The following EDA variants were observed in gnomAD, a reference collection of about 807,000 sequenced individuals.
EDA encodes ectodysplasin-A.
A neutral mutation model predicts 23.6 loss-of-function variants in EDA; 2 were observed. The ratio of observed to expected loss-of-function variants is 0.08; its 90% confidence interval spans 0.03 to 0.27. The LOEUF is 0.27. EDA is among the 10% of genes least tolerant of loss of function. The probability of loss-of-function intolerance (pLI) is 1.00; values close to 1 mark genes in which losing one functional copy is unlikely to be tolerated. For synonymous variants in EDA, 131 were observed against 132.0 expected (o/e 0.99, Z 0.05); for missense variants, 229 against 324.2 (o/e 0.71, Z 2.26).
At chrX:69,800,294 T>C (rs1301643347) in intron 1 of EDA, among the ~76,000 whole-genome samples, 2 of 111,053 alleles carry the variant, frequency 1.8e-5, no homozygotes, top group Non-Finnish European at 3.8e-5. Context: ...CATACTTAGT[T>C]AGGAGAAATA....
intron 1 of EDA, among the ~76,000 whole-genome samples, chrX:69,849,104 C>T (rs1470376528): frequency 4.3e-5 from 4 of 92,277 alleles, no homozygotes; most frequent in South Asian, 4.4e-4. Context: ...CACACACACA[C>T]ACACACACAC....
chrX:69,932,548 G>A (rs988996173), intron 1 of EDA, among the ~76,000 whole-genome samples: 2 of 111,652 alleles, frequency 1.8e-5, no homozygotes, highest in Non-Finnish European at 3.8e-5. Flanking sequence ...TCAGATAAAG[G>A]TTCTGAGAGA....
intron 1 of EDA, among the ~76,000 whole-genome samples, chrX:69,836,937 C>A (rs1032226208): frequency 1.8e-5 from 2 of 112,309 alleles, no homozygotes; most frequent in African/African-American, 3.2e-5. Context: ...TTTTGGAGAG[C>A]ACAGTTTGGA....
chrX:69,810,957 G>A (rs949053301), intron 1 of EDA, among the ~76,000 whole-genome samples: 2 of 111,517 alleles, frequency 1.8e-5, no homozygotes, highest in Non-Finnish European at 3.8e-5. Flanking sequence ...AAGGGCTTGT[G>A]CCACTGGATA....
At chrX:69,714,074 A>G (rs1357558947) in intron 1 of EDA, among the ~76,000 whole-genome samples, 2 of 110,947 alleles carry the variant, frequency 1.8e-5, no homozygotes, top group Admixed American at 9.6e-5. Context: ...TCTTGCCAGC[A>G]TTTGGCACTG....
chrX:69,707,748 T>G (rs1424343382), intron 1 of EDA, among the ~76,000 whole-genome samples: 2 of 111,186 alleles, frequency 1.8e-5, no homozygotes, highest in Admixed American at 1.9e-4. Flanking sequence ...GAGTTCTAGA[T>G]TTTTTGGATC....
At chrX:69,921,487 C>T (rs2018432498) in intron 1 of EDA, among the ~76,000 whole-genome samples, 1 of 110,704 alleles carries the variant, frequency 9.0e-6, no homozygotes, top group Non-Finnish European at 1.9e-5. Context: ...TCATTCTAAC[C>T]TTCTCTCCTG....
chrX:69,803,966 A>G (rs2015755226), intron 1 of EDA, among the ~76,000 whole-genome samples: 1 of 110,899 alleles, frequency 9.0e-6, no homozygotes, highest in Non-Finnish European at 1.9e-5. Flanking sequence ...AGTTCCATCC[A>G]TGTTGCCACA....
intron 3 of EDA, 119 bp downstream of exon 3, chrX:70,023,360 A>G (rs2020063198): frequency 1.1e-5 from 5 of 449,801 alleles, no homozygotes; most frequent in Non-Finnish European, 1.5e-5. Flanking sequence ...CTGTTATTTT[A>G]TTCAATCATA....
chrX:69,991,514 G>C (rs2019588684), intron 2 of EDA, among the ~76,000 whole-genome samples: 1 of 111,168 alleles, frequency 9.0e-6, no homozygotes, highest in African/African-American at 3.3e-5. Flanking sequence ...AGAAGGTCAG[G>C]AATACTAGAC....
At chrX:69,645,596 G>A (rs2385038) in intron 1 of EDA, among the ~76,000 whole-genome samples, 368 of 28,822 alleles carry the variant, frequency 0.013, 44 homozygotes, top group African/African-American at 0.049. Context: ...ATATATATGT[G>A]TGTGTGTATA....
chrX:69,655,699 G>T (rs1257198246), intron 1 of EDA, among the ~76,000 whole-genome samples: 3 of 96,657 alleles, frequency 3.1e-5, no homozygotes, highest in African/African-American at 1.2e-4. Context: ...CATTCCAGTT[G>T]TATATGTGGT....
At chrX:69,884,101 T>C (rs1438629359) in intron 1 of EDA, among the ~76,000 whole-genome samples, 1 of 111,279 alleles carries the variant, frequency 9.0e-6, no homozygotes, top group Non-Finnish European at 1.9e-5. Flanking sequence ...CTACTGAAAG[T>C]GACTGAGTGC....
At chrX:69,696,633 A>G (rs2011356591) in intron 1 of EDA, among the ~76,000 whole-genome samples, 1 of 111,783 alleles carries the variant, frequency 8.9e-6, no homozygotes, top group Non-Finnish European at 1.9e-5. Context: ...AAATTACCAT[A>G]TATTGATTAG....
chrX:69,792,885 C>G (rs1002860856), intron 1 of EDA, among the ~76,000 whole-genome samples: 6 of 112,144 alleles, frequency 5.4e-5, no homozygotes, highest in Non-Finnish European at 7.5e-5. Flanking sequence ...TTGTCAGACA[C>G]ATAGTTTGCA....
chrX:69,629,206 G>A (rs915572793), intron 1 of EDA, among the ~76,000 whole-genome samples: 7 of 111,581 alleles, frequency 6.3e-5, no homozygotes, highest in Admixed American at 9.5e-5. Flanking sequence ...CTGACAGGCC[G>A]CGTTCTGGCC....
intron 1 of EDA, among the ~76,000 whole-genome samples, chrX:69,760,711 A>G (rs2014282791): frequency 8.9e-6 from 1 of 112,091 alleles, no homozygotes. Flanking sequence ...GGCCAGGGTA[A>G]GGTTAGTACA....
intron 1 of EDA, among the ~76,000 whole-genome samples, chrX:69,873,078 G>C (rs1455276573): frequency 1.8e-5 from 2 of 111,839 alleles, no homozygotes; most frequent in African/African-American, 6.5e-5. Context: ...AAATTGGAAA[G>C]CAACTCCAAA....
intron 1 of EDA, among the ~76,000 whole-genome samples, chrX:69,880,562 C>T (rs1278200487): frequency 8.9e-6 from 1 of 112,032 alleles, no homozygotes; most frequent in African/African-American, 3.3e-5. Context: ...ATCTGCCTTA[C>T]AACTGCCAGA....
Sources: gnomAD v4.1 joint callset for allele counts (sites outside exome capture counted in the v4.1 genomes callset) on GRCh38, gnomAD v4.1.1 for gene constraint, MANE v1.5 for transcripts, NCBI Gene and HGNC (gene_info 2026-07-23, HGNC 2026-07-21) for gene names.